The following CIMAP2 variants were observed in gnomAD, a reference collection of about 807,000 sequenced individuals.
The protein encoded by CIMAP2 is ciliary microtubule associated protein 2.
At chr1:54,812,227 C>T in the CIMAP2 span, 1 of 1,611,904 alleles carries the variant, frequency 6.2e-7, no homozygotes, top group Non-Finnish European at 8.5e-7. Context: ...AGTCCATGCC[C>T]CAGCAGGATG....
At chr1:54,823,060 A>G in the CIMAP2 span, among the ~76,000 whole-genome samples, 1 of 152,164 alleles carries the variant, frequency 6.6e-6, no homozygotes, top group South Asian at 2.1e-4. Context: ...CTGTTGGACG[A>G]AATGTTCTGC....
the CIMAP2 span, chr1:54,813,807 T>G: frequency 1.3e-6 from 2 of 1,587,972 alleles, no homozygotes; most frequent in Admixed American, 3.8e-5. Context: ...TTCTCTCTTT[T>G]TCTTAGAAAA....
the CIMAP2 span, among the ~76,000 whole-genome samples, chr1:54,816,744 G>C: frequency 1.3e-5 from 2 of 152,070 alleles, no homozygotes; most frequent in Non-Finnish European, 2.9e-5. Context: ...TTGGAAGAAG[G>C]GCCCACCTTA....
chr1:54,812,151 C>G, the CIMAP2 span: 16 of 1,614,066 alleles, frequency 9.9e-6, no homozygotes, highest in African/African-American at 1.2e-4. Context: ...CTCTGGTGAT[C>G]GGAGCAAGCC....
chr1:54,811,757 T>A, the CIMAP2 span: 462,264 of 918,746 alleles, frequency 0.5, 133,503 homozygotes, highest in South Asian at 0.64. Flanking sequence ...CAAGGAGTGG[T>A]TCTGACAGCC....
At chr1:54,814,943 A>G in the CIMAP2 span, 69 of 1,614,108 alleles carry the variant, frequency 4.3e-5, no homozygotes, top group East Asian at 1.2e-3. Flanking sequence ...TCTGGCTTCC[A>G]CAAGAGAAGA....
chr1:54,816,911 C>T, the CIMAP2 span: 9 of 1,559,800 alleles, frequency 5.8e-6, no homozygotes, highest in Non-Finnish European at 7.0e-6. Context: ...AGGGAAGCGT[C>T]CAAGGGGAGG....
chr1:54,839,455 C>G, the CIMAP2 span, among the ~76,000 whole-genome samples: 72 of 152,066 alleles, frequency 4.7e-4, no homozygotes, highest in Non-Finnish European at 8.8e-4. Context: ...TCGGCTCACT[C>G]TAACCTCTGC....
chr1:54,810,562 C>T, the CIMAP2 span, among the ~76,000 whole-genome samples: 1 of 152,218 alleles, frequency 6.6e-6, no homozygotes, highest in South Asian at 2.1e-4. Context: ...GCAGAGGTCC[C>T]TGCCCTTCCC....
the CIMAP2 span, among the ~76,000 whole-genome samples, chr1:54,813,630 G>C: frequency 6.6e-6 from 1 of 151,268 alleles, no homozygotes; most frequent in Admixed American, 6.6e-5. Context: ...GGGAAAGACT[G>C]TCTGTTTCCA....
the CIMAP2 span, chr1:54,811,765 G>GCCGGGGGGGGGGGGGCCCC: frequency 6.1e-6 from 8 of 1,301,316 alleles, no homozygotes; most frequent in Non-Finnish European, 7.6e-6. Context: ...GGTTCTGACA[G>GCCGGGGGGGGGGGGGCCCC]CCTCCATGCC....
chr1:54,812,119 C>G, the CIMAP2 span: 1 of 1,614,220 alleles, frequency 6.2e-7, no homozygotes, highest in Non-Finnish European at 8.5e-7. Flanking sequence ...TCCGTCGGCA[C>G]CCGCGGCCCC....
At chr1:54,812,843 G>A in the CIMAP2 span, among the ~76,000 whole-genome samples, 1 of 152,172 alleles carries the variant, frequency 6.6e-6, no homozygotes, top group East Asian at 1.9e-4. Context: ...ATTCTAGTGG[G>A]GAAAGAAACT....
the CIMAP2 span, chr1:54,814,087 A>G: frequency 7.5e-7 from 1 of 1,327,546 alleles, no homozygotes; most frequent in South Asian, 1.7e-5. Context: ...TCTTGGGATC[A>G]GACTGACTTG....
the CIMAP2 span, among the ~76,000 whole-genome samples, chr1:54,809,486 C>G: frequency 6.6e-6 from 1 of 152,200 alleles, no homozygotes; most frequent in Non-Finnish European, 1.5e-5. Flanking sequence ...TTACCATGTA[C>G]TAATTAATTT....
At chr1:54,811,907 C>CA in the CIMAP2 span, 1 of 1,614,018 alleles carries the variant, frequency 6.2e-7, no homozygotes. Context: ...GGATGAGCAA[C>CA]AAGCCACACC....
At chr1:54,811,765 G>GGGGGGGGGGGGGCCCCCCCCCCCCCC in the CIMAP2 span, 1 of 1,301,332 alleles carries the variant, frequency 7.7e-7, no homozygotes, top group Non-Finnish European at 1.1e-6. Context: ...GGTTCTGACA[G>GGGGGGGGGGGGGCCCCCCCCCCCCCC]CCTCCATGCC....
chr1:54,837,647 GTGGCCCCCAGTC>G, the CIMAP2 span, among the ~76,000 whole-genome samples: 5 of 152,150 alleles, frequency 3.3e-5, no homozygotes, highest in African/African-American at 1.2e-4. Context: ...TTGGGGAGTA[GTGGCCCCCAGTC>G]TTTGGGACGA....
At chr1:54,839,522 C>T in the CIMAP2 span, among the ~76,000 whole-genome samples, 136 of 152,100 alleles carry the variant, frequency 8.9e-4, 4 homozygotes, top group African/African-American at 3.1e-3. Context: ...GGATTACAGG[C>T]ACCTGCCACC....
Sources: gnomAD v4.1 joint callset for allele counts (sites outside exome capture counted in the v4.1 genomes callset) on GRCh38, gnomAD v4.1.1 for gene constraint, MANE v1.5 for transcripts, NCBI Gene and HGNC (gene_info 2026-07-23, HGNC 2026-07-21) for gene names.